SCHIP1: variants seen among roughly 807,000 people sequenced by gnomAD.
SCHIP1 encodes the protein schwannomin interacting protein 1.
SCHIP1 carries 8 observed loss-of-function variants against 29.7 expected under a neutral mutation model. That is an observed-to-expected ratio of 0.27 (90% CI 0.16 to 0.49). SCHIP1 has a LOEUF of 0.49. Ranked by LOEUF, SCHIP1 falls within the 20% of genes least tolerant of loss-of-function variation. The pLI, the probability that SCHIP1 is intolerant of heterozygous loss-of-function variation, is 0.99. For missense variants in SCHIP1, 193 were observed against 294.6 expected (o/e 0.66, Z 2.52); for synonymous variants, 76 against 94.9 (o/e 0.80, Z 1.16).
At chr3:159,407,540 T>A in the SCHIP1 span, among the ~76,000 whole-genome samples, 2 of 152,118 alleles carry the variant, frequency 1.3e-5, no homozygotes, top group African/African-American at 2.4e-5. Context: ...ATGGACCCAA[T>A]AGATATTTAC....
the SCHIP1 span, among the ~76,000 whole-genome samples, chr3:159,750,467 T>G: frequency 0.72 from 109,023 of 151,464 alleles, 39,750 homozygotes; most frequent in Middle Eastern, 0.91. Context: ...TACAAGCAGA[T>G]CCTGAGATGG....
At chr3:159,881,789 TG>T (rs1408397179) in intron 2 of SCHIP1, among the ~76,000 whole-genome samples, 2 of 152,236 alleles carry the variant, frequency 1.3e-5, no homozygotes, top group East Asian at 3.8e-4. Flanking sequence ...GATGAAGTTT[TG>T]CTTCTCCTTA....
chr3:159,689,029 C>A, the SCHIP1 span, among the ~76,000 whole-genome samples: 1 of 152,064 alleles, frequency 6.6e-6, no homozygotes, highest in Non-Finnish European at 1.5e-5. Context: ...AGGCAGGTAA[C>A]GTCATGCCTC....
At chr3:159,528,173 G>C in the SCHIP1 span, among the ~76,000 whole-genome samples, 5 of 152,198 alleles carry the variant, frequency 3.3e-5, no homozygotes, top group African/African-American at 1.2e-4. Flanking sequence ...AATTCATGCA[G>C]TCCTATTTAT....
At chr3:159,446,284 A>T in the SCHIP1 span, among the ~76,000 whole-genome samples, 1 of 152,150 alleles carries the variant, frequency 6.6e-6, no homozygotes, top group Non-Finnish European at 1.5e-5. Flanking sequence ...GGCAATAAAC[A>T]TCTATTACTG....
chr3:159,276,991 G>A, the SCHIP1 span, among the ~76,000 whole-genome samples: 1 of 152,252 alleles, frequency 6.6e-6, no homozygotes, highest in East Asian at 1.9e-4. Flanking sequence ...CACTTTTGGA[G>A]TTGACTCACT....
chr3:159,665,808 A>G, the SCHIP1 span, among the ~76,000 whole-genome samples: 1 of 152,136 alleles, frequency 6.6e-6, no homozygotes, highest in Non-Finnish European at 1.5e-5. Context: ...TTTCCTTTCT[A>G]GTGAGAAAAC....
chr3:159,279,081 A>G, the SCHIP1 span, among the ~76,000 whole-genome samples: 1 of 152,194 alleles, frequency 6.6e-6, no homozygotes, highest in Non-Finnish European at 1.5e-5. Context: ...ACCCAGTCAC[A>G]TGCTGATATG....
At chr3:159,757,381 C>T in the SCHIP1 span, among the ~76,000 whole-genome samples, 1 of 152,142 alleles carries the variant, frequency 6.6e-6, no homozygotes, top group Non-Finnish European at 1.5e-5. Flanking sequence ...TCACTATCAC[C>T]AGAATAGCAC....
chr3:159,352,770 C>T, the SCHIP1 span, among the ~76,000 whole-genome samples: 5 of 147,932 alleles, frequency 3.4e-5, no homozygotes, highest in Admixed American at 3.4e-4. Flanking sequence ...ATTTTAATAG[C>T]TTTTTTTTTT....
chr3:159,514,493 C>A, the SCHIP1 span, among the ~76,000 whole-genome samples: 2 of 152,174 alleles, frequency 1.3e-5, no homozygotes, highest in Non-Finnish European at 2.9e-5. Context: ...CATGGCTATA[C>A]CCGACTGTCC....
chr3:159,288,242 A>G, the SCHIP1 span, among the ~76,000 whole-genome samples: 1 of 152,250 alleles, frequency 6.6e-6, no homozygotes, highest in Non-Finnish European at 1.5e-5. Context: ...ACTCCTACAC[A>G]TGAATAAAGT....
At chr3:159,372,108 G>A in the SCHIP1 span, among the ~76,000 whole-genome samples, 2 of 152,114 alleles carry the variant, frequency 1.3e-5, no homozygotes, top group Non-Finnish European at 2.9e-5. Context: ...ATATGTCAAT[G>A]AACATATGAA....
At chr3:159,453,093 C>T in the SCHIP1 span, among the ~76,000 whole-genome samples, 2 of 152,182 alleles carry the variant, frequency 1.3e-5, no homozygotes, top group Non-Finnish European at 2.9e-5. Context: ...CAGTCAGTAG[C>T]TGCTCTCATC....
the SCHIP1 span, among the ~76,000 whole-genome samples, chr3:159,403,078 A>G: frequency 6.6e-6 from 1 of 152,210 alleles, no homozygotes; most frequent in Non-Finnish European, 1.5e-5. Context: ...GAAACTGACA[A>G]AAGCTCATTT....
intron 2 of SCHIP1, among the ~76,000 whole-genome samples, chr3:159,872,080 T>A (rs1443467761): frequency 1.3e-5 from 2 of 152,178 alleles, no homozygotes; most frequent in Non-Finnish European, 2.9e-5. Context: ...ATCTGCATAT[T>A]ATCTTCTAAA....
At chr3:159,625,197 C>G in the SCHIP1 span, among the ~76,000 whole-genome samples, 1 of 152,188 alleles carries the variant, frequency 6.6e-6, no homozygotes, top group Non-Finnish European at 1.5e-5. Flanking sequence ...CCTCCTAAAT[C>G]TCCCACTTCC....
the SCHIP1 span, among the ~76,000 whole-genome samples, chr3:159,291,289 G>T: frequency 6.6e-6 from 1 of 151,946 alleles, no homozygotes; most frequent in Admixed American, 6.6e-5. Context: ...TAAAAGGAGA[G>T]AAATTATTGG....
chr3:159,620,619 G>A, the SCHIP1 span, among the ~76,000 whole-genome samples: 3 of 152,194 alleles, frequency 2.0e-5, no homozygotes, highest in African/African-American at 7.2e-5. Context: ...AATACACTTT[G>A]CAGAACATTG....
Sources: gnomAD v4.1 joint callset for allele counts (sites outside exome capture counted in the v4.1 genomes callset) on GRCh38, gnomAD v4.1.1 for gene constraint, MANE v1.5 for transcripts, NCBI Gene and HGNC (gene_info 2026-07-23, HGNC 2026-07-21) for gene names.